Variants in SYNPR observed in about 807,000 individuals in gnomAD.
SYNPR encodes synaptoporin.
Under a neutral mutation model 32.9 loss-of-function variants are expected in SYNPR, and 23 were observed. The observed-to-expected ratio is 0.70, with a 90% CI of 0.50 to 0.99. The LOEUF (loss-of-function observed/expected upper bound fraction) is 0.99. SYNPR is among the 50% of genes least tolerant of loss of function. SYNPR has a pLI of 0.00. For missense variants in SYNPR, 318 were observed against 349.3 expected, an observed-to-expected ratio of 0.91 and a Z score of 0.71; for synonymous variants, 146 against 135.9, an observed-to-expected ratio of 1.07 and a Z score of -0.52.
intron 1 of SYNPR, among the ~76,000 whole-genome samples, chr3:63,233,232 A>G (rs1350658711): frequency 6.6e-6 from 1 of 152,226 alleles, no homozygotes; most frequent in Non-Finnish European, 1.5e-5. Flanking sequence ...GCAGATTCTT[A>G]AGCCGAATGG....
At chr3:63,272,937 ATGT>A (rs894464809) in intron 3 of SYNPR, among the ~76,000 whole-genome samples, 9 of 152,292 alleles carry the variant, frequency 5.9e-5, no homozygotes, top group Admixed American at 2.0e-4. Context: ...TAACTCAAAG[ATGT>A]TGTGCTTCAT....
intron 4 of SYNPR, among the ~76,000 whole-genome samples, chr3:63,601,065 G>A (rs1247005827): frequency 1.3e-5 from 2 of 152,108 alleles, no homozygotes; most frequent in African/African-American, 4.8e-5. Flanking sequence ...CTGAGGTCGG[G>A]AGTTTGAGAC....
intron 2 of SYNPR, among the ~76,000 whole-genome samples, chr3:63,290,136 C>A (rs9863212): frequency 0.45 from 66,381 of 145,966 alleles, 15,535 homozygotes; most frequent in Middle Eastern, 0.51. Flanking sequence ...TCTCAAAAAA[C>A]AAAAAAACTC....
chr3:63,292,255 G>A (rs199576289), intron 2 of SYNPR, among the ~76,000 whole-genome samples: 1 of 152,120 alleles, frequency 6.6e-6, no homozygotes, highest in East Asian at 1.9e-4. Context: ...TGCATATTTT[G>A]GGGATATAAT....
At chr3:63,609,931 T>G (rs1700175725) in intron 5 of SYNPR, among the ~76,000 whole-genome samples, 1 of 151,926 alleles carries the variant, frequency 6.6e-6, no homozygotes, top group South Asian at 2.1e-4. Context: ...CAAAAAAACC[T>G]GAACTTTAAG....
chr3:63,423,965 A>C (rs1424139401), intron 2 of SYNPR, among the ~76,000 whole-genome samples: 1 of 152,246 alleles, frequency 6.6e-6, no homozygotes. Context: ...TTCTCTTCAA[A>C]ATGTCAAGGT....
At chr3:63,501,522 A>G (rs952868337) in intron 3 of SYNPR, among the ~76,000 whole-genome samples, 5 of 150,478 alleles carry the variant, frequency 3.3e-5, no homozygotes, top group Admixed American at 6.6e-5. Context: ...AAAGAAAAGA[A>G]AAAGAAAAAA....
intron 3 of SYNPR, among the ~76,000 whole-genome samples, chr3:63,523,481 C>T (rs974252170): frequency 6.6e-6 from 1 of 152,108 alleles, no homozygotes. Flanking sequence ...CCACCCCCTA[C>T]CTCATCCCAG....
At chr3:63,587,774 T>C (rs1703216374) in intron 4 of SYNPR, among the ~76,000 whole-genome samples, 1 of 152,084 alleles carries the variant, frequency 6.6e-6, no homozygotes, top group African/African-American at 2.4e-5. Flanking sequence ...AGGTAATTGT[T>C]GGATTACCTC....
At chr3:63,523,974 C>A (rs1701957922) in intron 3 of SYNPR, among the ~76,000 whole-genome samples, 1 of 152,098 alleles carries the variant, frequency 6.6e-6, no homozygotes, top group South Asian at 2.1e-4. Context: ...TAGTAGACTG[C>A]ATTTCCCACA....
chr3:63,580,452 CA>C (rs1703071239), intron 4 of SYNPR, among the ~76,000 whole-genome samples: 2 of 152,134 alleles, frequency 1.3e-5, no homozygotes, highest in African/African-American at 4.8e-5. Context: ...GAGATAATAC[CA>C]ACAAAAGCCA....
intron 4 of SYNPR, among the ~76,000 whole-genome samples, chr3:63,576,866 T>C (rs1307543200): frequency 6.6e-6 from 1 of 151,994 alleles, no homozygotes; most frequent in African/African-American, 2.4e-5. Context: ...TCCCAATCAT[T>C]AGTAAACATG....
At position 63,487,826 on chromosome 3, in the gene SYNPR, G is replaced by GA. The variant is rs533373134; in HGVS notation, c.209+6871dup. Among the ~76,000 whole-genome samples, 259 of 152,308 alleles carry GA rather than the reference G, an allele frequency of 1.7e-3. 1 individual carries two copies. Among genetic ancestry groups the GA allele is most frequent in the African/African-American group, 5.8e-3 (243 of 41,574 alleles). ...TGGGAGGTTGGCATCGGTGGAGTAG[G>GA]AGACTGAGGCTTAGTCTGATCTTTG... On this transcript the variant is annotated intron_variant, in intron 3 of 5. Transcript: ENST00000478300.
At chr3:63,225,062 C>T (rs1274791321), upstream of SYNPR, among the ~76,000 whole-genome samples, 1 of 152,188 alleles carries the variant, frequency 6.6e-6, no homozygotes, top group Non-Finnish European at 1.5e-5. Context: ...TAAGGAGACT[C>T]TCGCTATGTC....
intron 3 of SYNPR, among the ~76,000 whole-genome samples, chr3:63,486,690 T>A (rs190786971): frequency 6.6e-6 from 1 of 152,218 alleles, no homozygotes; most frequent in Admixed American, 6.5e-5. Flanking sequence ...ATCGATAGAG[T>A]AAATCCCTAC....
intron 3 of SYNPR, among the ~76,000 whole-genome samples, chr3:63,488,393 A>G (rs761609146): frequency 6.6e-6 from 1 of 152,156 alleles, no homozygotes; most frequent in Non-Finnish European, 1.5e-5. Flanking sequence ...TGGGGCAGAG[A>G]CTTTGGGAGA....
intron 1 of SYNPR, among the ~76,000 whole-genome samples, chr3:63,250,510 G>A (rs1401849178): frequency 6.6e-6 from 1 of 152,052 alleles, no homozygotes; most frequent in Non-Finnish European, 1.5e-5. Flanking sequence ...TTTTGGGAGA[G>A]AGCTCTTACG....
chr3:63,300,158 C>T (rs1363555310), intron 2 of SYNPR, among the ~76,000 whole-genome samples: 1 of 151,900 alleles, frequency 6.6e-6, no homozygotes, highest in East Asian at 1.9e-4. Context: ...GAGAAGTTGG[C>T]GAGGGTGAAA....
intron 3 of SYNPR, among the ~76,000 whole-genome samples, chr3:63,526,066 G>C (rs1702006229): frequency 6.6e-6 from 1 of 152,158 alleles, no homozygotes; most frequent in Non-Finnish European, 1.5e-5. Context: ...GAGGTGCCAG[G>C]CTCTTTTCAA....
Sources: gnomAD v4.1 joint callset for allele counts (sites outside exome capture counted in the v4.1 genomes callset) on GRCh38, gnomAD v4.1.1 for gene constraint, MANE v1.5 for transcripts, NCBI Gene and HGNC (gene_info 2026-07-23, HGNC 2026-07-21) for gene names.